Variants in EML6 observed in about 807,000 individuals in gnomAD.
The protein encoded by EML6 is EMAP like 6, also known as echinoderm microtubule-associated protein-like 6.
EML6 carries 154 observed loss-of-function variants against 240.1 expected under a neutral mutation model. The ratio of observed to expected loss-of-function variants is 0.64; its 90% CI spans 0.56 to 0.73. The LOEUF is 0.73. EML6 is among the 30% of genes least tolerant of loss of function. The pLI is 0.00. For missense variants in EML6, 2,964 were observed against 2,474.6 expected, an observed-to-expected ratio of 1.20 and a Z score of -4.20; for synonymous variants, 1,148 against 899.0, an observed-to-expected ratio of 1.28 and a Z score of -4.95.
intron 2 of EML6, among the ~76,000 whole-genome samples, chr2:54,804,605 G>A (rs1418605123): frequency 6.6e-6 from 1 of 152,178 alleles, no homozygotes. Flanking sequence ...ATGCCTTCTT[G>A]TGTCAGTTAA....
intron 2 of EML6, among the ~76,000 whole-genome samples, chr2:54,782,826 G>A (rs1355747325): frequency 6.6e-6 from 1 of 152,088 alleles, no homozygotes; most frequent in Non-Finnish European, 1.5e-5. Flanking sequence ...AGAATGCTGG[G>A]TTCAGACCTG....
In EML6 at chr2:54,901,296, G is replaced by A. The variant is rs186600162; in HGVS notation, c.3124+1514G>A. On this transcript the variant is annotated intron_variant, in intron 22 of 41. Transcript: ENST00000356458. ...GCTTAACACTATTTCCCTCTGCCGT[G>A]TTGCCTGTCTTTACACTAGGCTCCT... is the stretch of plus-strand genomic sequence containing the variant. 2.9e-4 allele frequency among the ~76,000 whole-genome samples: 44 copies of A among 152,334 alleles called. No homozygotes were observed. The East Asian group carries it at 7.9e-3, about 27-fold the overall frequency.
chr2:54,830,133 A>C (rs1339028770), intron 7 of EML6, among the ~76,000 whole-genome samples: 1 of 152,236 alleles, frequency 6.6e-6, no homozygotes, highest in African/African-American at 2.4e-5. Context: ...CCATATATAG[A>C]GTGTATATAT....
Position 54,971,300 on chromosome 2 carries a change from G to T in EML6, c.*1205G>T, listed in dbSNP as rs1433292697. 6.6e-6 allele frequency: 1 copy of T among 152,152 alleles called. No individual in the cohort carries two copies. The highest frequency in any genetic ancestry group is 6.6e-5 in the Admixed American group (1 of 15,266). 9.4% of individuals were successfully genotyped at this position (152,152 alleles called of 1,614,324 possible). On this transcript the variant is annotated 3_prime_UTR_variant, in exon 42 of 42. Coordinates refer to ENST00000356458, the MANE Select transcript of EML6 (RefSeq NM_001039753.4). ...GGACAATCTTTACCAGAAGCCATCC[G>T]TAAGCCCCTCAGTCACACTTTCCAT...
At chr2:54,823,747 G>T (rs1668438203) in intron 5 of EML6, among the ~76,000 whole-genome samples, 1 of 152,128 alleles carries the variant, frequency 6.6e-6, no homozygotes, top group South Asian at 2.1e-4. Context: ...AGGACCCTAG[G>T]GGGTTAGGTG....
At chr2:54,826,787 A>C (rs995461508) in intron 5 of EML6, among the ~76,000 whole-genome samples, 1 of 152,230 alleles carries the variant, frequency 6.6e-6, no homozygotes, top group African/African-American at 2.4e-5. Flanking sequence ...AATATAACTC[A>C]TATTTATGAA....
rs139962186 is a variant in EML6 at position 54,950,530 on chromosome 2, T to G, written c.4084-120T>G. 236 of 1,095,336 alleles carry G rather than the reference T, an allele frequency of 2.2e-4. 2 individuals carry two copies. The African/African-American group carries it at 3.3e-3, about 15-fold the overall frequency. The allele number at this position is 1,095,336 out of a possible 1,614,324, so 67.9% of individuals were successfully genotyped here. Reference sequence around the variant, plus strand: ...GCAAAATGTTTTCAGTGAGTGTGTGTTGGCGTCACCAGCCATACCGTTCCT... The same window carrying G: ...GCAAAATGTTTTCAGTGAGTGTGTGGTGGCGTCACCAGCCATACCGTTCCT... On this transcript the variant is annotated intron_variant, in intron 29 of 41. Transcript: ENST00000356458.
intron 41 of EML6, among the ~76,000 whole-genome samples, chr2:54,969,327 G>C (rs185005699): frequency 1.4e-4 from 22 of 152,296 alleles, no homozygotes; most frequent in Admixed American, 1.3e-3. Flanking sequence ...AGGGGATAAA[G>C]ATGAAATACA....
At position 54,774,269 on chromosome 2, in the gene EML6, G is replaced by T. The variant is rs1668509626; in HGVS notation, c.198-38963G>T. On this transcript the variant is annotated intron_variant, in intron 2 of 41. Coordinates refer to ENST00000356458, the MANE Select transcript of EML6 (RefSeq NM_001039753.4). This position sits in a 1 kb window ranked among gnomAD's most constrained non-coding sequence, Gnocchi z 4.1. ...AGCTTGCAAAATGTTTATTGGATCAGTAGTGATGGAAGGGAGGGCAGAGAG... is the reference window on the plus strand; with the variant it reads ...AGCTTGCAAAATGTTTATTGGATCATTAGTGATGGAAGGGAGGGCAGAGAG... Among the ~76,000 whole-genome samples, 1 of 152,222 alleles carries T rather than the reference G, an allele frequency of 6.6e-6. No individual in the cohort carries two copies. Among genetic ancestry groups the T allele is most frequent in the Non-Finnish European group, 1.5e-5 (1 of 68,036 alleles).
intron 35 of EML6, among the ~76,000 whole-genome samples, chr2:54,961,184 G>GTTGGTTTTTTTTTTTTTTTTTTTTTTT: frequency 5.4e-5 from 3 of 55,416 alleles, no homozygotes; most frequent in Non-Finnish European, 9.5e-5. Context: ...TCAGGAAGTA[G>GTTGGTTTTTTTTTTTTTTTTTTTTTTT]TTTTTTTTTT....
At chr2:54,830,673 G>A (rs928125881) in intron 7 of EML6, among the ~76,000 whole-genome samples, 3 of 152,158 alleles carry the variant, frequency 2.0e-5, no homozygotes, top group Non-Finnish European at 4.4e-5. Flanking sequence ...CAGCCTAGAC[G>A]GCATATCCTT....
intron 7 of EML6, among the ~76,000 whole-genome samples, chr2:54,830,479 C>CAT (rs2104189623): frequency 6.6e-6 from 1 of 152,298 alleles, no homozygotes; most frequent in South Asian, 2.1e-4. Context: ...GACCCTGTGA[C>CAT]ATAGGGCTCA....
intron 7 of EML6, among the ~76,000 whole-genome samples, chr2:54,836,173 C>T (rs1015409742): frequency 1.3e-5 from 2 of 152,072 alleles, no homozygotes; most frequent in African/African-American, 2.4e-5. Flanking sequence ...TCACTGTGTG[C>T]GCAAGTTCCG....
intron 2 of EML6, among the ~76,000 whole-genome samples, chr2:54,746,255 A>G (rs1343548962): frequency 6.6e-6 from 1 of 152,220 alleles, no homozygotes; most frequent in Non-Finnish European, 1.5e-5. Flanking sequence ...GAGATTCAAC[A>G]TGCCCAAGAT....
intron 24 of EML6, among the ~76,000 whole-genome samples, chr2:54,907,976 G>T (rs1302723953): frequency 1.0e-5 from 1 of 98,374 alleles, no homozygotes; most frequent in African/African-American, 3.8e-5. Flanking sequence ...TAGATAGATA[G>T]ATAGATAGAT....
chr2:54,891,248 C>A, intron 18 of EML6, 94 bp downstream of exon 18: 1 of 583,482 alleles, frequency 1.7e-6, no homozygotes, highest in South Asian at 3.3e-5. Context: ...CCTCGCTTGT[C>A]TCTGCAATCT....
intron 9 of EML6, 147 bp from the exon 10 acceptor site, chr2:54,849,815 T>G: frequency 1.4e-6 from 1 of 695,992 alleles, no homozygotes; most frequent in Non-Finnish European, 2.3e-6. Flanking sequence ...ATAATAACAT[T>G]TTATATATTT....
intron 17 of EML6, among the ~76,000 whole-genome samples, chr2:54,883,533 T>G (rs919803536): frequency 6.6e-6 from 1 of 152,230 alleles, no homozygotes; most frequent in African/African-American, 2.4e-5. Flanking sequence ...CAGTTGCCCT[T>G]GGCCTCTGGA....
intron 7 of EML6, among the ~76,000 whole-genome samples, chr2:54,842,414 G>T (rs7606460): frequency 6.6e-6 from 1 of 152,122 alleles, no homozygotes. Flanking sequence ...TCTTAAAGGC[G>T]TTCTAATTGG....
Sources: gnomAD v4.1 joint callset for allele counts (sites outside exome capture counted in the v4.1 genomes callset) on GRCh38, gnomAD v4.1.1 for gene constraint, Gnocchi (gnomAD v3.1) non-coding constraint, MANE v1.5 for transcripts, NCBI Gene and HGNC (gene_info 2026-07-23, HGNC 2026-07-21) for gene names.